NFU1: variants seen among roughly 807,000 people sequenced by gnomAD.
NFU1 encodes the protein NFU1 iron-sulfur cluster scaffold.
NFU1 carries 30 observed loss-of-function variants against 32.2 expected under a neutral mutation model. That is an observed-to-expected ratio of 0.93 (90% CI 0.70 to 1.26). The LOEUF (loss-of-function observed/expected upper bound fraction) is 1.26, where lower values mean the gene tolerates loss of function less well. Among genes scored for constraint, NFU1 ranks in the 50% most tolerant of loss-of-function variants. The pLI, the probability that NFU1 is intolerant of heterozygous loss-of-function variation, is 0.00. For missense variants in NFU1, 306 were observed against 306.6 expected (o/e 1.00, Z 0.02); for synonymous variants, 112 against 104.6 (o/e 1.07, Z -0.43).
At chr2:69,437,866 C>A (rs556061629), upstream of NFU1, among the ~76,000 whole-genome samples, 2 of 152,214 alleles carry the variant, frequency 1.3e-5, no homozygotes, top group African/African-American at 4.8e-5. Context: ...TCTCGCATTT[C>A]TCCTGCCCTT....
intron 5 of NFU1, among the ~76,000 whole-genome samples, chr2:69,408,012 CAAA>C (rs199682373): frequency 1.4e-4 from 17 of 124,556 alleles, no homozygotes; most frequent in African/African-American, 2.0e-4. Flanking sequence ...GACCCCACCT[CAAA>C]AAAAAAAAAA....
At chr2:69,397,254 A>G (rs1307523559) in intron 7 of NFU1, among the ~76,000 whole-genome samples, 13 of 152,184 alleles carry the variant, frequency 8.5e-5, no homozygotes, top group Admixed American at 8.5e-4. Flanking sequence ...AAAACAAAAC[A>G]AAACAAAAAA....
At position 69,431,990 on chromosome 2, in the gene NFU1, C is replaced by T; in HGVS notation, c.78G>A (p.Leu26=). The stretch of plus-strand genomic sequence containing the variant: ...GTTTCTTAATGGTGTATGGATTCTT[C>T]AACATATGACAGAACCTGCATTTAA... ...AGLRRRFCHM[L]KNPYTIKKQP... Residue 26 remains leucine (L), a synonymous_variant, in exon 2 of 8, where the codon TTG becomes TTA. Coordinates refer to ENST00000410022, the MANE Select transcript of NFU1 (RefSeq NM_001002755.4). 1 of 1,609,160 alleles carries T rather than the reference C, an allele frequency of 6.2e-7. No individual in the cohort carries two copies.
chr2:69,438,719 C>A (rs1301984568), upstream of NFU1, among the ~76,000 whole-genome samples: 1 of 152,070 alleles, frequency 6.6e-6, no homozygotes, highest in Non-Finnish European at 1.5e-5. Context: ...TTTCTATGGC[C>A]CACAGACACA....
chr2:69,423,885 C>T (rs1673352237), intron 2 of NFU1, among the ~76,000 whole-genome samples, 168 bp from the exon 3 acceptor site: 2 of 151,924 alleles, frequency 1.3e-5, no homozygotes, highest in Admixed American at 1.3e-4. Context: ...AGAAATATAT[C>T]ACCATAGAGC....
intron 2 of NFU1, 94 bp from the exon 3 acceptor site, chr2:69,423,811 T>A (rs552827556): frequency 1.1e-6 from 1 of 936,328 alleles, no homozygotes; most frequent in Non-Finnish European, 1.7e-6. Context: ...TCAGAAGAAG[T>A]AAGAAAAACT....
At chr2:69,397,062 A>G (rs1672363809) in intron 7 of NFU1, among the ~76,000 whole-genome samples, 1 of 151,622 alleles carries the variant, frequency 6.6e-6, no homozygotes, top group African/African-American at 2.4e-5. Flanking sequence ...TGATAGAGCA[A>G]GACTCCGTCT....
At chr2:69,421,606 C>T (rs986816724) in intron 3 of NFU1, among the ~76,000 whole-genome samples, 24 of 117,910 alleles carry the variant, frequency 2.0e-4, no homozygotes, top group African/African-American at 1.0e-4. Context: ...CTCGCTCTGT[C>T]GCCCAGGCTG....
chr2:69,414,552 G>A (rs1470712917), intron 5 of NFU1, among the ~76,000 whole-genome samples: 1 of 150,980 alleles, frequency 6.6e-6, no homozygotes, highest in Non-Finnish European at 1.5e-5. Flanking sequence ...TGGGAGGTGG[G>A]GGTTGCAGTG....
chr2:69,414,839 T>G (rs1673001087), intron 5 of NFU1, among the ~76,000 whole-genome samples: 1 of 152,092 alleles, frequency 6.6e-6, no homozygotes, highest in South Asian at 2.1e-4. Context: ...TAATATTTTA[T>G]TTAAAATGAG....
chr2:69,409,512 T>G (rs1467866637), intron 5 of NFU1, among the ~76,000 whole-genome samples: 1 of 152,230 alleles, frequency 6.6e-6, no homozygotes, highest in East Asian at 1.9e-4. Flanking sequence ...TCATAGTCTA[T>G]TTAGTGTTGC....
intron 3 of NFU1, among the ~76,000 whole-genome samples, chr2:69,420,488 C>A (rs1673201575): frequency 6.6e-6 from 1 of 152,166 alleles, no homozygotes; most frequent in African/African-American, 2.4e-5. Flanking sequence ...CCCTTGACTA[C>A]CCCTACCAAA....
At chr2:69,431,710 T>G (rs934581581) in intron 2 of NFU1, among the ~76,000 whole-genome samples, 192 bp downstream of exon 2, 3 of 152,240 alleles carry the variant, frequency 2.0e-5, no homozygotes, top group Non-Finnish European at 4.4e-5. Flanking sequence ...CATAGATCTA[T>G]TGGACAATAT....
At chr2:69,415,381 C>CA in intron 4 of NFU1, 82 bp from the exon 5 acceptor site, 1 of 635,450 alleles carries the variant, frequency 1.6e-6, no homozygotes, top group African/African-American at 2.0e-5. Context: ...CCTCTTTTTT[C>CA]TTTTTTTTTT....
Position 69,410,832 on chromosome 2 carries a change from C to A in NFU1, c.484+4353G>T, listed in dbSNP as rs1194087440. On this transcript the variant is annotated intron_variant, in intron 5 of 7. Coordinates refer to ENST00000410022, the MANE Select transcript of NFU1 (RefSeq NM_001002755.4). ...AAATGTTAATTCTCCCAAATTTAAT[C>A]TGTAAATTTAATGCAACTTCAACCA... 6 of 152,280 alleles carry A rather than the reference C, an allele frequency of 3.9e-5. No individual in the cohort carries two copies. The East Asian group carries it at 1.2e-3, about 29-fold the overall frequency. 9.4% of individuals were successfully genotyped at this position (152,280 alleles called of 1,614,324 possible). A position where few individuals can be genotyped will look rare whatever the true frequency, so the allele number is the denominator to read the frequency against.
At chr2:69,402,086 T>C (rs1441698731) in intron 6 of NFU1, among the ~76,000 whole-genome samples, 1 of 151,966 alleles carries the variant, frequency 6.6e-6, no homozygotes, top group Non-Finnish European at 1.5e-5. Context: ...GTAGAGACCA[T>C]GTTTCACCAT....
rs1298845589 is a variant in NFU1, at chr2:69,419,605, C to T, written c.303-1G>A. ...TACTCCTTCAATCCTAAATAACTGC[C>T]TGCAAAAAAAGAAAAAATAAGAGAT... is the stretch of plus-strand genomic sequence containing the variant. On this transcript the variant is annotated splice_acceptor_variant, in intron 3 of 7. Coordinates refer to ENST00000410022, the MANE Select transcript of NFU1 (RefSeq NM_001002755.4). LOFTEE classifies it high-confidence loss of function. 1 of 1,565,308 alleles carries T rather than the reference C, an allele frequency of 6.4e-7. No homozygotes were observed. Among genetic ancestry groups the T allele is most frequent in the Non-Finnish European group, 8.8e-7 (1 of 1,139,372 alleles).
At chr2:69,404,442 A>G (rs1024622324) in intron 6 of NFU1, among the ~76,000 whole-genome samples, 4 of 150,416 alleles carry the variant, frequency 2.7e-5, no homozygotes, top group African/African-American at 7.3e-5. Context: ...CAGTGAGCTG[A>G]TATCGTGCAG....
intron 6 of NFU1, among the ~76,000 whole-genome samples, chr2:69,403,442 G>A (rs762615982): frequency 6.6e-6 from 1 of 151,376 alleles, no homozygotes; most frequent in South Asian, 2.1e-4. Context: ...CTTGACCAGA[G>A]TGCAATGGTG....
Sources: gnomAD v4.1 joint callset for allele counts (sites outside exome capture counted in the v4.1 genomes callset) on GRCh38, gnomAD v4.1.1 for gene constraint, MANE v1.5 for transcripts, NCBI Gene and HGNC (gene_info 2026-07-23, HGNC 2026-07-21) for gene names.